The following NID1 variants were observed in gnomAD, a reference collection of about 807,000 sequenced individuals.
NID1 encodes nidogen-1.
NID1 carries 76 observed loss-of-function variants against 130.6 expected under a neutral mutation model. That is an observed-to-expected ratio of 0.58 (90% CI 0.48 to 0.70). NID1 has a LOEUF of 0.70. NID1 is among the 30% of genes least tolerant of loss of function. The pLI, the probability that NID1 is intolerant of heterozygous loss-of-function variation, is 0.00. For synonymous variants in NID1, 665 were observed against 675.1 expected (o/e 0.98, Z 0.23); for missense variants, 1,517 against 1,664.8 (o/e 0.91, Z 1.54).
At position 235,977,671 on chromosome 1, in the gene NID1, G is replaced by A. The variant is rs781582306; in HGVS notation, c.*196C>T. 3.4e-6 allele frequency: 2 copies of A among 580,666 alleles called. No homozygotes were observed. The highest frequency in any genetic ancestry group is 6.1e-6 in the Non-Finnish European group (2 of 327,798). 36.0% of individuals were successfully genotyped at this position (580,666 alleles called of 1,614,324 possible). A position where few individuals can be genotyped will look rare whatever the true frequency, so the allele number is the denominator to read the frequency against. ...TGGAGGGTTCTGTCCTTGTGTAGGGGTGGAGACTTTTCTATTAGAGAAGTC... is the reference window on the plus strand; with the variant it reads ...TGGAGGGTTCTGTCCTTGTGTAGGGATGGAGACTTTTCTATTAGAGAAGTC... On this transcript the variant is annotated 3_prime_UTR_variant, in exon 20 of 20. Transcript: ENST00000264187.
intron 2 of NID1, among the ~76,000 whole-genome samples, chr1:236,047,773 TC>T (rs1659647223): frequency 6.6e-6 from 1 of 152,132 alleles, no homozygotes; most frequent in African/African-American, 2.4e-5. Context: ...ACACCTGTAA[TC>T]CCAGCACTTT....
intron 4 of NID1, among the ~76,000 whole-genome samples, chr1:236,039,557 A>G (rs1659387613): frequency 6.6e-6 from 1 of 152,228 alleles, no homozygotes; most frequent in Non-Finnish European, 1.5e-5. Flanking sequence ...TTAAATTTCC[A>G]CATTCCAACT....
At chr1:236,034,497 C>A (rs2102833340) in intron 5 of NID1, among the ~76,000 whole-genome samples, 1 of 150,844 alleles carries the variant, frequency 6.6e-6, no homozygotes, top group East Asian at 1.9e-4. Flanking sequence ...AGGCCATGAA[C>A]CTTGAAATCA....
At chr1:236,039,134 C>A (rs1045434350) in intron 4 of NID1, among the ~76,000 whole-genome samples, 3 of 139,810 alleles carry the variant, frequency 2.1e-5, no homozygotes, top group South Asian at 2.2e-4. Flanking sequence ...ATATAAAATA[C>A]AATATATTAC....
Position 236,013,615 on chromosome 1 carries a change from C to T in NID1, c.2255-55G>A. ...TAGGAAGAAAGTCCCCTGAGCAGGC[C>T]ACATGCCCCTCCCAGCTCTATAAAG... On this transcript the variant is annotated intron_variant, in intron 10 of 19. Coordinates refer to ENST00000264187, the MANE Select transcript of NID1 (RefSeq NM_002508.3). 3.1e-6 allele frequency: 5 copies of T among 1,606,394 alleles called. No homozygotes were observed. The South Asian group carries it at 4.4e-5, about 14-fold the overall frequency.
intron 2 of NID1, 21 bp downstream of exon 2, chr1:236,048,669 T>A: frequency 6.2e-7 from 1 of 1,601,660 alleles, no homozygotes; most frequent in Non-Finnish European, 8.5e-7. Context: ...TACCTGCACT[T>A]GGACCTGGAG....
At chr1:236,048,097 G>C (rs1659661134) in intron 2 of NID1, among the ~76,000 whole-genome samples, 1 of 149,266 alleles carries the variant, frequency 6.7e-6, no homozygotes, top group Non-Finnish European at 1.5e-5. Flanking sequence ...ACTTTGGGAG[G>C]CTGAGAAGGG....
In NID1 at chr1:235,979,191, T is replaced by C. The variant is rs887570109; in HGVS notation, c.3510-84A>G. On this transcript the variant is annotated intron_variant, in intron 18 of 19. Transcript: ENST00000264187. This position sits in a 1 kb window ranked among gnomAD's most constrained non-coding sequence, Gnocchi z 4.6. ...AAACAAGGCAGCCTCTTTGTCATTTTGAGGATAAACTGGAGGCCATAAACA... is the reference window on the plus strand; with the variant it reads ...AAACAAGGCAGCCTCTTTGTCATTTCGAGGATAAACTGGAGGCCATAAACA... 3 of 887,216 alleles carry C rather than the reference T, an allele frequency of 3.4e-6. No homozygotes were observed. Among genetic ancestry groups the C allele is most frequent in the African/African-American group, 3.3e-5 (2 of 60,646 alleles). The allele number at this position is 887,216 out of a possible 1,614,324, so 55.0% of individuals were successfully genotyped here.
intron 15 of NID1, among the ~76,000 whole-genome samples, chr1:235,982,004 C>T (rs1030537681): frequency 3.9e-5 from 6 of 152,170 alleles, no homozygotes; most frequent in African/African-American, 1.2e-4. Flanking sequence ...TCATGCTGCA[C>T]GTTGGGAACC....
intron 17 of NID1, 80 bp from the exon 18 acceptor site, chr1:235,980,025 G>A: frequency 6.8e-7 from 1 of 1,468,506 alleles, no homozygotes; most frequent in Non-Finnish European, 9.5e-7. Context: ...AGTAATGAGG[G>A]CAAGAGTGGG....
chr1:235,993,238 G>A (rs1657810513), intron 13 of NID1, among the ~76,000 whole-genome samples: 1 of 152,176 alleles, frequency 6.6e-6, no homozygotes, highest in African/African-American at 2.4e-5. Context: ...GGTTCAGGTT[G>A]GTCCCCACCA....
intron 3 of NID1, among the ~76,000 whole-genome samples, chr1:236,042,569 T>C (rs1409743671): frequency 6.6e-6 from 1 of 152,178 alleles, no homozygotes; most frequent in Non-Finnish European, 1.5e-5. Flanking sequence ...TATCAGGACT[T>C]AAAATTCAAC....
At chr1:236,057,133 C>T (rs1177355227) in intron 1 of NID1, among the ~76,000 whole-genome samples, 2 of 152,054 alleles carry the variant, frequency 1.3e-5, no homozygotes, top group Non-Finnish European at 1.5e-5. Context: ...GTGGTGGGTG[C>T]CTGTAATCCC....
intron 13 of NID1, 123 bp from the exon 14 acceptor site, chr1:235,991,181 A>C: frequency 1.3e-6 from 1 of 763,056 alleles, no homozygotes; most frequent in Non-Finnish European, 2.0e-6. Flanking sequence ...ACATCAGGTC[A>C]CATCACCTTC....
intron 12 of NID1, among the ~76,000 whole-genome samples, chr1:236,005,042 C>T (rs971318996): frequency 6.6e-5 from 10 of 151,544 alleles, no homozygotes; most frequent in Non-Finnish European, 1.3e-4. Flanking sequence ...GGAATGGTGG[C>T]GTGCGCCTGA....
At chr1:235,994,455 C>T (rs558718245) in intron 12 of NID1, among the ~76,000 whole-genome samples, 29 of 152,360 alleles carry the variant, frequency 1.9e-4, no homozygotes, top group African/African-American at 6.3e-4. Context: ...AGCCACTGCG[C>T]CCTGCCAAGT....
At chr1:236,055,236 G>A (rs1490469888) in intron 1 of NID1, among the ~76,000 whole-genome samples, 1 of 151,936 alleles carries the variant, frequency 6.6e-6, no homozygotes, top group African/African-American at 2.4e-5. Flanking sequence ...CCCGGGAGGT[G>A]GAGCTTGCAG....
At chr1:236,016,310 T>C (rs1341382005) in intron 10 of NID1, among the ~76,000 whole-genome samples, 1 of 152,106 alleles carries the variant, frequency 6.6e-6, no homozygotes, top group Non-Finnish European at 1.5e-5. Context: ...CCCACGACCT[T>C]GGCAGGCTTA....
chr1:235,992,290 T>C (rs1257603107), intron 13 of NID1, among the ~76,000 whole-genome samples: 2 of 152,168 alleles, frequency 1.3e-5, no homozygotes, highest in African/African-American at 2.4e-5. Flanking sequence ...TCAACCTCTT[T>C]CATATCTCTG....
Sources: allele counts gnomAD v4.1 joint callset (sites outside exome capture counted in the v4.1 genomes callset), GRCh38; gene constraint gnomAD v4.1.1; non-coding constraint Gnocchi (gnomAD v3.1); transcripts MANE v1.5; gene names NCBI Gene and HGNC (gene_info 2026-07-23, HGNC 2026-07-21).